Variants in PPIP5K2 observed in about 807,000 individuals in gnomAD.
PPIP5K2 encodes the protein diphosphoinositol pentakisphosphate kinase 2, also known as inositol hexakisphosphate and diphosphoinositol-pentakisphosphate kinase 2.
In PPIP5K2, 105 loss-of-function variants were observed where a neutral mutation model predicts 154.6. The observed-to-expected ratio is 0.68, with a 90% confidence interval of 0.58 to 0.80. The LOEUF is 0.80. PPIP5K2 is among the 30% of genes least tolerant of loss of function. The pLI, the probability that PPIP5K2 is intolerant of heterozygous loss-of-function variation, is 0.00. For synonymous variants in PPIP5K2, 480 were observed against 490.3 expected (o/e 0.98, Z 0.28); for missense variants, 992 against 1,504.6 (o/e 0.66, Z 5.64).
intron 6 of PPIP5K2, 85 bp from the exon 7 acceptor site, chr5:103,147,846 T>A: frequency 1.3e-6 from 1 of 788,944 alleles, no homozygotes. Flanking sequence ...TGGAAATAGA[T>A]GGTAAATAAA....
At chr5:103,184,153 A>T (rs534865230) in intron 25 of PPIP5K2, 1 of 152,452 alleles carries the variant, frequency 6.6e-6, no homozygotes, top group South Asian at 2.1e-4. Flanking sequence ...GAGGTTTCTG[A>T]TAATTTCAGC....
chr5:103,146,765 G>A (rs370136135), intron 6 of PPIP5K2, 84 bp downstream of exon 6: 88 of 1,153,602 alleles, frequency 7.6e-5, no homozygotes, highest in East Asian at 4.9e-4. Context: ...TTTAATTACC[G>A]TTAAATATTG....
intron 30 of PPIP5K2, 48 bp downstream of exon 30, chr5:103,195,073 G>A (rs572155637): frequency 6.3e-7 from 1 of 1,585,828 alleles, no homozygotes; most frequent in East Asian, 2.2e-5. Context: ...GAAATTAGAG[G>A]AATAGTAACT....
chr5:103,161,374 A>G (rs570499133), intron 17 of PPIP5K2, among the ~76,000 whole-genome samples: 97 of 152,084 alleles, frequency 6.4e-4, no homozygotes, highest in African/African-American at 2.3e-3. Context: ...GGACATTTGG[A>G]TTGGTTCCAA....
chr5:103,167,618 T>A (rs1554218310), intron 18 of PPIP5K2, among the ~76,000 whole-genome samples: 1 of 151,944 alleles, frequency 6.6e-6, no homozygotes, highest in Non-Finnish European at 1.5e-5. Context: ...AGGAAAGTGA[T>A]CTAGGCTCTG....
intron 13 of PPIP5K2, 86 bp downstream of exon 13, chr5:103,155,029 C>A: frequency 2.7e-6 from 2 of 744,604 alleles, no homozygotes; most frequent in Non-Finnish European, 4.0e-6. Flanking sequence ...TAATTACTTT[C>A]ACAGTCTGAT....
At chr5:103,133,945 A>G (rs1399541821) in intron 3 of PPIP5K2, among the ~76,000 whole-genome samples, 1 of 152,114 alleles carries the variant, frequency 6.6e-6, no homozygotes, top group Non-Finnish European at 1.5e-5. Flanking sequence ...ATGGTGGCAT[A>G]GTATATCATT....
intron 17 of PPIP5K2, among the ~76,000 whole-genome samples, chr5:103,164,396 T>C (rs1554217081): frequency 6.6e-6 from 1 of 152,052 alleles, no homozygotes; most frequent in Admixed American, 6.6e-5. Context: ...TCTACCTCTC[T>C]AGTTTTATTT....
At chr5:103,161,778 T>TTGGTGTTTTCTAATGCTATTGAG in intron 17 of PPIP5K2, among the ~76,000 whole-genome samples, 1 of 152,196 alleles carries the variant, frequency 6.6e-6, no homozygotes, top group African/African-American at 2.4e-5. Context: ...TTCATATCCT[T>TTGGTGTTTTCTAATGCTATTGAG]CACCCACTTT....
chr5:103,186,449 C>T lies in PPIP5K2; in HGVS notation c.3289+10C>T, dbSNP rs781848993. The T allele has an allele frequency of 6.2e-7, 1 of 1,613,608 alleles. No individual in the cohort carries two copies. Among genetic ancestry groups the T allele is most frequent in the South Asian group, 1.1e-5 (1 of 91,074 alleles). On this transcript the variant is annotated intron_variant, in intron 27 of 30. Coordinates refer to ENST00000358359, the MANE Select transcript of PPIP5K2 (RefSeq NM_001276277.3). ...TCTGGCTGCATAGATGGTATGTGCACACATGCACACACAGATTCATACCTA... is the reference window on the plus strand; with the variant it reads ...TCTGGCTGCATAGATGGTATGTGCATACATGCACACACAGATTCATACCTA...
intron 4 of PPIP5K2, 59 bp from the exon 5 acceptor site, chr5:103,138,325 A>C: frequency 9.7e-7 from 1 of 1,029,962 alleles, no homozygotes; most frequent in Non-Finnish European, 1.4e-6. Context: ...AAACTACAAT[A>C]ATATATTCAT....
At chr5:103,149,459 A>T (rs1465613674) in intron 8 of PPIP5K2, 146 bp downstream of exon 8, 14 of 603,564 alleles carry the variant, frequency 2.3e-5, no homozygotes, top group South Asian at 1.9e-4. Flanking sequence ...TTTTCAAGGG[A>T]TTCTTGTGGT....
chr5:103,204,586 A>G lies in PPIP5K2; in HGVS notation c.*2952A>G, dbSNP rs2033229. ...CAGCCTCCTAAATAGCTGGTACTAT[A>G]GGTGCGTGCCACCACACCCAGCTCA... is the stretch of plus-strand genomic sequence containing the variant. On this transcript the variant is annotated 3_prime_UTR_variant, in exon 31 of 31. Coordinates refer to ENST00000358359, the MANE Select transcript of PPIP5K2 (RefSeq NM_001276277.3). The G allele has an allele frequency of 6.2e-4, 94 of 152,330 alleles. 1 individual carries two copies. The highest frequency in any genetic ancestry group is 2.2e-3 in the African/African-American group (92 of 41,584). The allele number at this position is 152,330 out of a possible 1,614,324, so 9.4% of individuals were successfully genotyped here.
intron 14 of PPIP5K2, among the ~76,000 whole-genome samples, chr5:103,156,500 C>T (rs972025221): frequency 3.3e-5 from 5 of 152,076 alleles, no homozygotes; most frequent in Non-Finnish European, 5.9e-5. Flanking sequence ...ATTTACCTTA[C>T]AAAAGAAAAG....
At position 103,207,194 on chromosome 5, in the gene PPIP5K2, T is replaced by G. The variant is rs1803565680; in HGVS notation, c.*5560T>G. 1 of 152,218 alleles carries G rather than the reference T, an allele frequency of 6.6e-6. No individual in the cohort carries two copies. Among genetic ancestry groups the G allele is most frequent in the African/African-American group, 2.4e-5 (1 of 41,460 alleles). The allele number at this position is 152,218 out of a possible 1,614,324, so 9.4% of individuals were successfully genotyped here. A position where few individuals can be genotyped will look rare whatever the true frequency, so the allele number is the denominator to read the frequency against. ...CTACAAAGCCTGTCAGGCAAAGCCTTTGTAATTGCTTATGGTCAGGCCTGA... is the reference window on the plus strand; with the variant it reads ...CTACAAAGCCTGTCAGGCAAAGCCTGTGTAATTGCTTATGGTCAGGCCTGA... On this transcript the variant is annotated 3_prime_UTR_variant, in exon 31 of 31. Coordinates refer to ENST00000358359, the MANE Select transcript of PPIP5K2 (RefSeq NM_001276277.3).
chr5:103,149,818 T>A (rs1037190717), intron 8 of PPIP5K2, among the ~76,000 whole-genome samples: 1 of 151,882 alleles, frequency 6.6e-6, no homozygotes, highest in Non-Finnish European at 1.5e-5. Flanking sequence ...TGCCTCAGCC[T>A]CCAGAGTAGC....
chr5:103,126,378 A>G (rs1554200726), intron 1 of PPIP5K2, among the ~76,000 whole-genome samples: 1 of 152,232 alleles, frequency 6.6e-6, no homozygotes, highest in Non-Finnish European at 1.5e-5. Context: ...CCCTTGGGAA[A>G]AAAAAATCTA....
At chr5:103,137,544 A>G (rs1791745839) in intron 4 of PPIP5K2, among the ~76,000 whole-genome samples, 1 of 152,128 alleles carries the variant, frequency 6.6e-6, no homozygotes, top group Non-Finnish European at 1.5e-5. Context: ...TTAACAGGTA[A>G]AAAGCATGGA....
intron 1 of PPIP5K2, among the ~76,000 whole-genome samples, chr5:103,122,419 G>C (rs1306436129): frequency 6.6e-6 from 1 of 152,166 alleles, no homozygotes; most frequent in Non-Finnish European, 1.5e-5. Context: ...CTTTCAAGGA[G>C]AGCAGTGAAT....
Sources: gnomAD v4.1 joint callset for allele counts (sites outside exome capture counted in the v4.1 genomes callset) on GRCh38, gnomAD v4.1.1 for gene constraint, MANE v1.5 for transcripts, NCBI Gene and HGNC (gene_info 2026-07-23, HGNC 2026-07-21) for gene names.